The following NEBL variants were observed in gnomAD, a reference collection of about 807,000 sequenced individuals.
NEBL encodes the protein LIM and SH3 protein 2.
In NEBL, 122 loss-of-function variants were observed where a neutral mutation model predicts 140.2. The ratio of observed to expected loss-of-function variants is 0.87; its 90% confidence interval spans 0.75 to 1.01. NEBL has a LOEUF of 1.01. NEBL is among the 50% of genes least tolerant of loss of function. NEBL has a pLI of 0.00. For missense variants in NEBL, 1,365 were observed against 1,231.3 expected, an observed-to-expected ratio of 1.11 and a Z score of -1.62; for synonymous variants, 436 against 398.9, an observed-to-expected ratio of 1.09 and a Z score of -1.11.
chr10:21,234,478 G>C (rs765965551), intron 3 of NEBL, among the ~76,000 whole-genome samples: 1 of 152,172 alleles, frequency 6.6e-6, no homozygotes, highest in Non-Finnish European at 1.5e-5. Flanking sequence ...ACCAGAAGCA[G>C]AGCAGATGCC....
chr10:21,174,436 G>A (rs1034129400), upstream of NEBL: 1 of 152,354 alleles, frequency 6.6e-6, no homozygotes, highest in Non-Finnish European at 1.5e-5. Context: ...GGTGGGGAGA[G>A]TGCTCAAACC....
At chr10:20,942,187 T>A (rs1834907226) in intron 4 of NEBL, among the ~76,000 whole-genome samples, 1 of 152,146 alleles carries the variant, frequency 6.6e-6, no homozygotes, top group Admixed American at 6.5e-5. Context: ...GACTTCAAAC[T>A]ATACTAAAAG....
intron 2 of NEBL, among the ~76,000 whole-genome samples, chr10:21,131,293 G>C (rs112412276): frequency 2.6e-5 from 4 of 152,130 alleles, no homozygotes; most frequent in Admixed American, 6.6e-5. Flanking sequence ...TAGTTCACTG[G>C]TGAAGTCTAC....
upstream of NEBL, among the ~76,000 whole-genome samples, chr10:20,901,478 T>A (rs953853314): frequency 4.6e-5 from 7 of 152,124 alleles, no homozygotes; most frequent in African/African-American, 1.7e-4. Flanking sequence ...CTTTTTTTCA[T>A]AATGATAGAA....
At chr10:20,988,494 A>G (rs901647873) in intron 3 of NEBL, among the ~76,000 whole-genome samples, 6 of 152,082 alleles carry the variant, frequency 3.9e-5, no homozygotes, top group Admixed American at 1.3e-4. Flanking sequence ...CCTGGCTCCT[A>G]GCTAAAGCCA....
chr10:21,245,927 C>A (rs913834604), intron 3 of NEBL, among the ~76,000 whole-genome samples: 1 of 152,132 alleles, frequency 6.6e-6, no homozygotes, highest in Non-Finnish European at 1.5e-5. Flanking sequence ...GATCTCCTGA[C>A]CTCGTGATCC....
chr10:20,830,638 T>C (rs1187072492), intron 16 of NEBL, among the ~76,000 whole-genome samples: 1 of 152,044 alleles, frequency 6.6e-6, no homozygotes, highest in Non-Finnish European at 1.5e-5. Flanking sequence ...TATTTTAATA[T>C]TAATATTCAT....
intron 2 of NEBL, among the ~76,000 whole-genome samples, chr10:21,055,881 C>T (rs1835000452): frequency 6.6e-6 from 1 of 152,182 alleles, no homozygotes; most frequent in Non-Finnish European, 1.5e-5. Context: ...AGTGGATGCA[C>T]CACAGCGAAG....
At chr10:20,880,929 T>C (rs1487318664) in intron 4 of NEBL, 25 bp from the exon 5 acceptor site, 1 of 1,588,972 alleles carries the variant, frequency 6.3e-7, no homozygotes, top group African/African-American at 1.3e-5. Flanking sequence ...TAATTTTTAG[T>C]CCCATTTAGA....
chr10:21,074,743 G>T (rs1174186189), intron 2 of NEBL, among the ~76,000 whole-genome samples: 1 of 151,804 alleles, frequency 6.6e-6, no homozygotes, highest in Admixed American at 6.6e-5. Context: ...CTCCCAAAGT[G>T]CTGGGATTAT....
intron 2 of NEBL, among the ~76,000 whole-genome samples, chr10:21,066,246 T>A (rs566848003): frequency 6.6e-6 from 1 of 152,296 alleles, no homozygotes; most frequent in African/African-American, 2.4e-5. Context: ...TTCCACATAC[T>A]TTTACAGACC....
At chr10:20,922,507 GA>G (rs1833642069) in intron 4 of NEBL, among the ~76,000 whole-genome samples, 1 of 152,168 alleles carries the variant, frequency 6.6e-6, no homozygotes, top group African/African-American at 2.4e-5. Flanking sequence ...AACCTTGACA[GA>G]AAAATCTAGT....
intron 18 of NEBL, among the ~76,000 whole-genome samples, chr10:20,826,230 T>C (rs1839843339): frequency 1.3e-5 from 2 of 152,186 alleles, no homozygotes; most frequent in Admixed American, 6.5e-5. Context: ...CTCTTCTTCA[T>C]TGTGATATAT....
At chr10:21,114,949 C>G (rs1838212858) in intron 2 of NEBL, among the ~76,000 whole-genome samples, 1 of 151,696 alleles carries the variant, frequency 6.6e-6, no homozygotes, top group Non-Finnish European at 1.5e-5. Context: ...TATTTGTTTT[C>G]TATTTTTCCA....
At chr10:21,183,428 A>G (rs979383434) in intron 3 of NEBL, among the ~76,000 whole-genome samples, 4 of 152,172 alleles carry the variant, frequency 2.6e-5, no homozygotes, top group African/African-American at 9.7e-5. Flanking sequence ...GGGACCTCTC[A>G]GCAAACTTAA....
At chr10:21,211,802 G>A (rs1373334653) in intron 3 of NEBL, among the ~76,000 whole-genome samples, 1 of 152,178 alleles carries the variant, frequency 6.6e-6, no homozygotes, top group Non-Finnish European at 1.5e-5. Context: ...AACCAGCAGT[G>A]ATTGTGATGA....
At position 21,221,905 on chromosome 10, in the gene NEBL, G is replaced by A. The variant is rs144649406; in HGVS notation, n.348+26016C>T. 2.4e-3 allele frequency among the ~76,000 whole-genome samples: 362 copies of A among 151,740 alleles called. 1 individual carries two copies. Among genetic ancestry groups the A allele is most frequent in the African/African-American group, 8.4e-3 (348 of 41,364 alleles). The stretch of plus-strand genomic sequence containing the variant: ...TATTGTTCCTTTTTACATAAACACT[G>A]AGACCTAGGTGCCCATCCTGACTGC... On this transcript the variant is annotated intron_variant and non_coding_transcript_variant, in intron 3 of 8. Coordinates refer to the NEBL transcript ENST00000675702.
Position 21,173,759 on chromosome 10 carries a change from G to T in NEBL, c.69+6C>A. The T allele has an allele frequency of 1.9e-6, 3 of 1,612,668 alleles. No homozygotes were observed. Among genetic ancestry groups the T allele is most frequent in the Non-Finnish European group, 2.5e-6 (3 of 1,179,798 alleles). ...GTCCAGGCTGGCCCGGCGCCCCCTC[G>T]CTCACCTTATCCAGGCAGTTGACTT... On this transcript the variant is annotated splice_donor_region_variant and intron_variant, in intron 1 of 6. Transcript: ENST00000417816. The surrounding 1 kb of genome is among the most constrained non-coding windows in gnomAD (Gnocchi z 5.7).
intron 3 of NEBL, among the ~76,000 whole-genome samples, chr10:21,220,839 G>A (rs900928883): frequency 2.6e-5 from 4 of 152,140 alleles, no homozygotes; most frequent in African/African-American, 9.7e-5. Flanking sequence ...AATGGACAAA[G>A]GACCTGAATA....
Sources: allele counts gnomAD v4.1 joint callset (sites outside exome capture counted in the v4.1 genomes callset), GRCh38; gene constraint gnomAD v4.1.1; non-coding constraint Gnocchi (gnomAD v3.1); transcripts MANE v1.5; gene names NCBI Gene and HGNC (gene_info 2026-07-23, HGNC 2026-07-21).